SGCZ: variants seen among roughly 807,000 people sequenced by gnomAD.
SGCZ encodes the protein zeta-sarcoglycan.
SGCZ carries 40 observed loss-of-function variants against 41.3 expected under a neutral mutation model. The observed-to-expected ratio is 0.97, with a 90% CI of 0.75 to 1.26. The LOEUF is 1.26. SGCZ is among the 50% of genes most tolerant of loss of function. SGCZ has a pLI of 0.00. For synonymous variants in SGCZ, 206 were observed against 137.5 expected, an observed-to-expected ratio of 1.50 and a Z score of -3.49; for missense variants, 552 against 369.8, an observed-to-expected ratio of 1.49 and a Z score of -4.04.
chr8:14,600,240 C>T (rs921107506), intron 1 of SGCZ, among the ~76,000 whole-genome samples: 1 of 152,142 alleles, frequency 6.6e-6, no homozygotes, highest in Admixed American at 6.5e-5. Context: ...TCTGCATTCA[C>T]CCAGGCTCTA....
chr8:14,504,750 C>T (rs1376291159), intron 2 of SGCZ, among the ~76,000 whole-genome samples: 1 of 152,096 alleles, frequency 6.6e-6, no homozygotes, highest in Non-Finnish European at 1.5e-5. Flanking sequence ...GGCACTTCTG[C>T]TTTCTTCTGG....
chr8:14,363,428 G>A (rs1220749388), intron 2 of SGCZ, among the ~76,000 whole-genome samples: 1 of 152,122 alleles, frequency 6.6e-6, no homozygotes. Context: ...TCAGTTGCAA[G>A]CAGCACTTTG....
chr8:15,096,178 G>A (rs1212604169), intron 1 of SGCZ, among the ~76,000 whole-genome samples: 1 of 151,926 alleles, frequency 6.6e-6, no homozygotes, highest in Non-Finnish European at 1.5e-5. Flanking sequence ...CCAGGTTCAA[G>A]CAATTCTCCT....
intron 1 of SGCZ, among the ~76,000 whole-genome samples, chr8:14,679,793 T>C (rs1391345102): frequency 6.6e-6 from 1 of 152,036 alleles, no homozygotes; most frequent in Non-Finnish European, 1.5e-5. Context: ...TCACCCAGAA[T>C]AACTTCTAGA....
intron 1 of SGCZ, among the ~76,000 whole-genome samples, chr8:14,653,809 TA>T (rs144193371): frequency 1.3e-5 from 2 of 151,974 alleles, no homozygotes; most frequent in Non-Finnish European, 2.9e-5. Flanking sequence ...CCATTCATAT[TA>T]AAAAAACCCT....
chr8:14,847,734 G>A (rs1272235060), intron 1 of SGCZ, among the ~76,000 whole-genome samples: 2 of 130,896 alleles, frequency 1.5e-5, no homozygotes, highest in East Asian at 4.5e-4. Context: ...GAGGGAGGGA[G>A]GCGGGAGAGA....
intron 4 of SGCZ, among the ~76,000 whole-genome samples, chr8:14,234,270 G>T (rs563772736): frequency 2.0e-5 from 3 of 152,090 alleles, no homozygotes; most frequent in Non-Finnish European, 4.4e-5. Flanking sequence ...AGTGAGTCAG[G>T]ATTAGAATTA....
At chr8:14,735,567 C>T (rs953841109) in intron 1 of SGCZ, among the ~76,000 whole-genome samples, 3 of 152,176 alleles carry the variant, frequency 2.0e-5, no homozygotes, top group Admixed American at 1.3e-4. Context: ...GCACTATTGG[C>T]TTCCCTACTT....
intron 1 of SGCZ, among the ~76,000 whole-genome samples, chr8:14,873,385 T>A (rs1011112950): frequency 1.3e-5 from 2 of 152,102 alleles, no homozygotes; most frequent in Non-Finnish European, 2.9e-5. Context: ...TTCTATGGAA[T>A]TATAGATTGC....
chr8:15,025,146 A>T (rs1803407611), intron 1 of SGCZ, among the ~76,000 whole-genome samples: 1 of 152,070 alleles, frequency 6.6e-6, no homozygotes, highest in Non-Finnish European at 1.5e-5. Flanking sequence ...TTGGAATGAA[A>T]TGAAATTCAT....
chr8:14,176,531 C>T (rs1314236430), intron 4 of SGCZ, among the ~76,000 whole-genome samples: 1 of 152,100 alleles, frequency 6.6e-6, no homozygotes, highest in Non-Finnish European at 1.5e-5. Context: ...CCTCAAATGA[C>T]TGTATTAGAA....
At chr8:14,974,270 C>CA (rs1350275128) in intron 1 of SGCZ, among the ~76,000 whole-genome samples, 2 of 151,898 alleles carry the variant, frequency 1.3e-5, no homozygotes, top group Non-Finnish European at 2.9e-5. Context: ...AAAACAGAAA[C>CA]AAAAAAATTC....
intron 1 of SGCZ, among the ~76,000 whole-genome samples, chr8:14,627,384 G>A (rs1329489044): frequency 2.0e-5 from 3 of 152,212 alleles, no homozygotes; most frequent in Admixed American, 6.5e-5. Context: ...TCCAGGTTGA[G>A]AACATCTAAT....
At chr8:14,887,210 C>T (rs1048116649) in intron 1 of SGCZ, among the ~76,000 whole-genome samples, 10 of 152,254 alleles carry the variant, frequency 6.6e-5, no homozygotes, top group African/African-American at 2.4e-4. Flanking sequence ...TTAGGGTCCT[C>T]ATCATAGAGA....
At chr8:14,791,989 T>C (rs1259159204) in intron 1 of SGCZ, among the ~76,000 whole-genome samples, 1 of 152,126 alleles carries the variant, frequency 6.6e-6, no homozygotes, top group Non-Finnish European at 1.5e-5. Context: ...TAAATAATGA[T>C]GTAATCCACT....
intron 3 of SGCZ, among the ~76,000 whole-genome samples, chr8:14,267,085 T>G (rs1054894046): frequency 2.6e-5 from 4 of 152,112 alleles, no homozygotes; most frequent in African/African-American, 9.6e-5. Flanking sequence ...CTTATTTAAT[T>G]TGGAATATAA....
chr8:14,660,307 C>G (rs550771066), intron 1 of SGCZ, among the ~76,000 whole-genome samples: 4 of 151,826 alleles, frequency 2.6e-5, no homozygotes, highest in Non-Finnish European at 4.4e-5. Flanking sequence ...CACAGTGGCT[C>G]ATGCCCATAA....
chr8:14,887,934 T>C (rs961680012), intron 1 of SGCZ, among the ~76,000 whole-genome samples: 1 of 152,024 alleles, frequency 6.6e-6, no homozygotes, highest in Non-Finnish European at 1.5e-5. Context: ...CTGAGGGAAA[T>C]AGGAAGATGT....
chr8:15,030,727 A>G (rs1399151281), intron 1 of SGCZ, among the ~76,000 whole-genome samples: 1 of 152,160 alleles, frequency 6.6e-6, no homozygotes, highest in Non-Finnish European at 1.5e-5. Flanking sequence ...GGGATAACTT[A>G]CTAACTCATG....
Sources: allele counts gnomAD v4.1 joint callset (sites outside exome capture counted in the v4.1 genomes callset), GRCh38; gene constraint gnomAD v4.1.1; transcripts MANE v1.5; gene names NCBI Gene and HGNC (gene_info 2026-07-23, HGNC 2026-07-21).